The following VPS26B variants were observed in gnomAD, a reference collection of about 807,000 sequenced individuals.
VPS26B encodes VPS26 retromer complex component B.
VPS26B carries 10 observed loss-of-function variants against 33.3 expected under a neutral mutation model. That is an observed-to-expected ratio of 0.30 (90% CI 0.19 to 0.51). The LOEUF (loss-of-function observed/expected upper bound fraction) is 0.51, where lower values mean the gene tolerates loss of function less well. Ranked by LOEUF, VPS26B falls within the 20% of genes least tolerant of loss-of-function variation. The probability of loss-of-function intolerance (pLI) is 0.98; values close to 1 mark genes in which losing one functional copy is unlikely to be tolerated. For synonymous variants in VPS26B, 190 were observed against 176.9 expected, an observed-to-expected ratio of 1.07 and a Z score of -0.59; for missense variants, 317 against 452.7, an observed-to-expected ratio of 0.70 and a Z score of 2.72.
At chr11:134,225,562 C>T (rs775473784) in intron 1 of VPS26B, 14 of 573,492 alleles carry the variant, frequency 2.4e-5, no homozygotes, top group Middle Eastern at 2.7e-4. Context: ...GAGATGGGGA[C>T]GGCGAGGGCG....
chr11:134,241,160 G>C (rs1200134658), intron 3 of VPS26B, among the ~76,000 whole-genome samples: 2 of 152,110 alleles, frequency 1.3e-5, no homozygotes, highest in Non-Finnish European at 2.9e-5. Flanking sequence ...AAAGTAGAAA[G>C]GGTATTCTAT....
chr11:134,235,003 C>T lies in VPS26B; in HGVS notation c.330C>T (p.Thr110=), dbSNP rs1938610320. Residue 110 remains threonine (T), a synonymous_variant, in exon 2 of 6, where the codon ACC becomes ACT. Transcript: ENST00000281187. The part of the protein sequence containing the change: ...TQSQAFDFEF[T]HVEKPYESYT... ...CGCAGGCCTTCGACTTTGAGTTTACCCACGTGGAGAAGCCGTATGAGTCCT... is the reference window on the plus strand; with the variant it reads ...CGCAGGCCTTCGACTTTGAGTTTACTCACGTGGAGAAGCCGTATGAGTCCT... The T allele has an allele frequency of 2.5e-6, 4 of 1,613,964 alleles. No individual in the cohort carries two copies. Among genetic ancestry groups the T allele is most frequent in the Admixed American group, 1.7e-5 (1 of 59,988 alleles).
intron 2 of VPS26B, among the ~76,000 whole-genome samples, chr11:134,237,181 A>G (rs902665926): frequency 1.3e-5 from 2 of 152,234 alleles, no homozygotes; most frequent in Admixed American, 1.3e-4. Context: ...TAGGCAGAGA[A>G]AAGGTTATTT....
rs55726358 is a variant in VPS26B at position 134,240,794 on chromosome 11, C to CGTGTGT, written c.545+668_545+673dup. On this transcript the variant is annotated intron_variant, in intron 3 of 5. Transcript: ENST00000281187. This position sits in a 1 kb window ranked among gnomAD's most constrained non-coding sequence, Gnocchi z 4.4. ...GTGTCCGTGTGTGTGTGTGTGTGTC[C>CGTGTGT]GTGTGTGTGTGTGTGTGTGTGTGTG... 0.093 allele frequency among the ~76,000 whole-genome samples: 12,836 copies of CGTGTGT among 138,356 alleles called. 688 individuals are homozygous for CGTGTGT. The highest frequency in any genetic ancestry group is 0.21 in the East Asian group (979 of 4,568). The allele number at this position is 138,356 out of a possible 152,430, so 90.8% of individuals were successfully genotyped here. A position where few individuals can be genotyped will look rare whatever the true frequency, so the allele number is the denominator to read the frequency against.
chr11:134,241,983 G>A (rs1195616291), intron 3 of VPS26B, among the ~76,000 whole-genome samples: 1 of 152,226 alleles, frequency 6.6e-6, no homozygotes, highest in African/African-American at 2.4e-5. Context: ...CTGGCCTTCC[G>A]CTTTTCTTCC....
At position 134,225,098 on chromosome 11, in the gene VPS26B, G is replaced by C; in HGVS notation, c.-25G>C. On this transcript the variant is annotated 5_prime_UTR_variant, in exon 1 of 6. Coordinates refer to ENST00000281187, the MANE Select transcript of VPS26B (RefSeq NM_052875.5). ...CCGGTGCGAGGGAGCGGTCCTTACC[G>C]AGACCCGCCCGGCCCGGCGGTGCGA... 1 of 1,578,940 alleles carries C rather than the reference G, an allele frequency of 6.3e-7. No homozygotes were observed. Among genetic ancestry groups the C allele is most frequent in the African/African-American group, 1.3e-5 (1 of 74,428 alleles).
At chr11:134,231,777 C>A (rs902748029) in intron 1 of VPS26B, among the ~76,000 whole-genome samples, 8 of 152,202 alleles carry the variant, frequency 5.3e-5, no homozygotes. Flanking sequence ...CTTGGCCAGG[C>A]TGGTCTCAAA....
chr11:134,235,776 A>G (rs1938622759), intron 2 of VPS26B: 1 of 152,214 alleles, frequency 6.6e-6, no homozygotes, highest in Non-Finnish European at 1.5e-5. Context: ...AAACTCTGAG[A>G]ATAGAGACTG....
At chr11:134,241,874 C>T (rs1432638940) in intron 3 of VPS26B, among the ~76,000 whole-genome samples, 4 of 152,214 alleles carry the variant, frequency 2.6e-5, no homozygotes, top group Non-Finnish European at 5.9e-5. Flanking sequence ...TTTTGTATCT[C>T]GGCTTCTCAT....
chr11:134,227,722 C>T (rs1209428885), intron 1 of VPS26B, among the ~76,000 whole-genome samples: 1 of 152,214 alleles, frequency 6.6e-6, no homozygotes, highest in Non-Finnish European at 1.5e-5. Flanking sequence ...GCTTTCTCAG[C>T]TACCAAGCAA....
chr11:134,226,654 C>A (rs1355090326), intron 1 of VPS26B, among the ~76,000 whole-genome samples: 2 of 152,218 alleles, frequency 1.3e-5, no homozygotes, highest in Non-Finnish European at 2.9e-5. Context: ...CGATACCACA[C>A]ACTGCATACA....
intron 1 of VPS26B, among the ~76,000 whole-genome samples, chr11:134,234,696 T>C (rs1478968151): frequency 1.3e-5 from 2 of 152,120 alleles, no homozygotes; most frequent in African/African-American, 4.8e-5. Context: ...GGGATTTCAC[T>C]ATATAAGACA....
intron 3 of VPS26B, among the ~76,000 whole-genome samples, chr11:134,241,902 T>C (rs867645216): frequency 6.6e-6 from 1 of 152,244 alleles, no homozygotes; most frequent in South Asian, 2.1e-4. Flanking sequence ...ACGAGGAGCT[T>C]GGACCAGATC....
chr11:134,246,142 C>T lies in VPS26B; in HGVS notation c.*552C>T, dbSNP rs1938814872. The T allele has an allele frequency of 6.5e-6, 1 of 154,086 alleles. No homozygotes were observed. The highest frequency in any genetic ancestry group is 6.4e-5 in the Admixed American group (1 of 15,682). 9.5% of individuals were successfully genotyped at this position (154,086 alleles called of 1,614,324 possible). ...GTGATCTCAAGTTCCCACAGGCCAC[C>T]TCCTTCTGGCCACTCACTGCTGGGA... is the stretch of plus-strand genomic sequence containing the variant. On this transcript the variant is annotated 3_prime_UTR_variant, in exon 6 of 6. Coordinates refer to ENST00000281187, the MANE Select transcript of VPS26B (RefSeq NM_052875.5).
rs924452839 is a variant in VPS26B at position 134,244,335 on chromosome 11, C to T, written c.722-603C>T. The T allele has an allele frequency of 3.3e-5, 5 of 152,168 alleles. No individual in the cohort carries two copies. Among genetic ancestry groups the T allele is most frequent in the African/African-American group, 1.2e-4 (5 of 41,414 alleles). The allele number at this position is 152,168 out of a possible 1,614,324, so 9.4% of individuals were successfully genotyped here. A position where few individuals can be genotyped will look rare whatever the true frequency, so the allele number is the denominator to read the frequency against. On this transcript the variant is annotated intron_variant, in intron 4 of 5. Coordinates refer to ENST00000281187, the MANE Select transcript of VPS26B (RefSeq NM_052875.5). This position sits in a 1 kb window ranked among gnomAD's most constrained non-coding sequence, Gnocchi z 4.0. ...TTGTTCCACTGATACTAGAAACGGTCTGATGTTAGAGCTGGAAGGGATCTG... is the reference window on the plus strand; with the variant it reads ...TTGTTCCACTGATACTAGAAACGGTTTGATGTTAGAGCTGGAAGGGATCTG...
rs750953599 is a variant in VPS26B at position 134,235,085 on chromosome 11, C to T, written c.380+32C>T. The T allele has an allele frequency of 1.1e-5, 18 of 1,599,722 alleles. No homozygotes were observed. In the Admixed American group the frequency reaches 2.0e-4, roughly 18 times the overall value. ...GATGTCTGCTGGTTCCCCACTGTAC[C>T]CTAGAACCTGCCCCATGTGGACAAG... is the stretch of plus-strand genomic sequence containing the variant. On this transcript the variant is annotated intron_variant, in intron 2 of 5. Coordinates refer to ENST00000281187, the MANE Select transcript of VPS26B (RefSeq NM_052875.5).
intron 3 of VPS26B, among the ~76,000 whole-genome samples, chr11:134,241,085 G>C (rs1389677628): frequency 6.6e-6 from 1 of 152,114 alleles, no homozygotes; most frequent in African/African-American, 2.4e-5. Context: ...TTCTGACAGG[G>C]TATTTCAAAA....
intron 2 of VPS26B, chr11:134,236,724 C>G (rs1191112999): frequency 6.6e-6 from 1 of 152,186 alleles, no homozygotes; most frequent in Non-Finnish European, 1.5e-5. Flanking sequence ...AGGACAAATA[C>G]TGTCTGATTC....
intron 1 of VPS26B, among the ~76,000 whole-genome samples, chr11:134,234,272 T>C (rs1301436629): frequency 1.3e-5 from 2 of 152,246 alleles, no homozygotes; most frequent in African/African-American, 4.8e-5. Flanking sequence ...TAGATACTGT[T>C]CTAAGTCTTT....
Sources: gnomAD v4.1 joint callset for allele counts (sites outside exome capture counted in the v4.1 genomes callset) on GRCh38, gnomAD v4.1.1 for gene constraint, Gnocchi (gnomAD v3.1) non-coding constraint, MANE v1.5 for transcripts, NCBI Gene and HGNC (gene_info 2026-07-23, HGNC 2026-07-21) for gene names.